C16orf86: variants seen among roughly 807,000 people sequenced by gnomAD.
The protein encoded by C16orf86 is chromosome 16 open reading frame 86.
In C16orf86, 19 loss-of-function variants were observed where a neutral mutation model predicts 21.5. That is an observed-to-expected ratio of 0.88 (90% CI 0.62 to 1.30). The LOEUF is 1.30. C16orf86 is among the 50% of genes most tolerant of loss of function. C16orf86 has a pLI of 0.00. For missense variants in C16orf86, 391 were observed against 415.8 expected (o/e 0.94, Z 0.52); for synonymous variants, 188 against 183.5 (o/e 1.02, Z -0.20).
intron 2 of C16orf86, 140 bp downstream of exon 2, chr16:67,667,665 G>T (rs1653961414): frequency 6.5e-7 from 1 of 1,540,840 alleles, no homozygotes; most frequent in Non-Finnish European, 8.7e-7. Flanking sequence ...TTCCTCAAGA[G>T]CCCCCGTGTA....
intron 1 of C16orf86, 89 bp downstream of exon 1, chr16:67,667,161 T>G: frequency 7.0e-7 from 1 of 1,434,098 alleles, no homozygotes; most frequent in Non-Finnish European, 9.6e-7. Flanking sequence ...ACTGCCAGGC[T>G]GGGCCCTCCA....
At position 67,667,908 on chromosome 16, in the gene C16orf86, T is replaced by C; in HGVS notation, c.363T>C (p.His121=). The C allele has an allele frequency of 6.2e-7, 1 of 1,610,546 alleles. No homozygotes were observed. The highest frequency in any genetic ancestry group is 8.5e-7 in the Non-Finnish European group (1 of 1,178,744). The stretch of plus-strand genomic sequence containing the variant: ...TCAGCCTCCCGGGCCTTCGTGCCCA[T>C]CTTAAGGCTGAAGCTGAGCTGCCAC... The part of the protein sequence containing the change: ...KSLSLPGLRA[H]LKAEAELPPK... The change falls in exon 3 of 4, where the codon CAT becomes CAC. Residue 121 remains histidine, a synonymous_variant. Coordinates refer to ENST00000403458, the MANE Select transcript of C16orf86 (RefSeq NM_001012984.3).
In C16orf86 at chr16:67,668,530, T is replaced by C. The variant is rs780240859; in HGVS notation, c.884T>C (p.Val295Ala). The change falls in exon 4 of 4, where the codon GTG becomes GCG. Residue 295 changes from valine to alanine, a missense_variant. By Grantham distance (64) the Val-to-Ala change is moderately conservative (BLOSUM62 0). Transcript: ENST00000403458. ...GCCGAGGTGGATAAGTCAACCCAGG[T>C]GGACATCGACAAGATGCTGAGTGTC... ...HKAEVDKSTQ[V>A]DIDKMLSVCT... is the part of the protein sequence containing the mutation. 4 of 1,613,444 alleles carry C rather than the reference T, an allele frequency of 2.5e-6. No individual in the cohort carries two copies. In the Admixed American group the frequency reaches 5.0e-5, roughly 20 times the overall value.
In C16orf86 at chr16:67,668,276, G is replaced by A. The variant is rs1236789667; in HGVS notation, c.630G>A (p.Gly210=). 2.5e-6 allele frequency: 4 copies of A among 1,610,318 alleles called. No homozygotes were observed. Among genetic ancestry groups the A allele is most frequent in the Non-Finnish European group, 2.5e-6 (3 of 1,178,572 alleles). The change falls in exon 4 of 4, where the codon GGG becomes GGA. Residue 210 remains glycine (G), a synonymous_variant. Coordinates refer to ENST00000403458, the MANE Select transcript of C16orf86 (RefSeq NM_001012984.3). ...CTGAGCTGAACCAGGCAGGGAAGGGGGACGGGGAGGCTGAGGTGGAGGCAG... is the reference window on the plus strand; with the variant it reads ...CTGAGCTGAACCAGGCAGGGAAGGGAGACGGGGAGGCTGAGGTGGAGGCAG... ...CNPELNQAGK[G]DGEAEVEAEA...
In C16orf86 at chr16:67,667,302, G is replaced by C; in HGVS notation, c.109G>C (p.Val37Leu). 2 of 1,608,894 alleles carry C rather than the reference G, an allele frequency of 1.2e-6. No homozygotes were observed. Among genetic ancestry groups the C allele is most frequent in the South Asian group, 2.2e-5 (2 of 90,566 alleles). The stretch of plus-strand genomic sequence containing the variant: ...GCCTGTGTGTCATCTCTAGTGTCCA[G>C]TGGCGGGAGACCAGTTCCTGGTGCC... ...PGSAQTSECPVAGDQFLVPAH... is the reference protein window; with the variant it reads ...PGSAQTSECPLAGDQFLVPAH... The change falls in exon 2 of 4, where the codon GTG becomes CTG. Residue 37 changes from valine to leucine, a missense_variant. By Grantham distance (32) the Val-to-Leu change is conservative. Transcript: ENST00000403458.
chr16:67,668,743 T>C lies in C16orf86; in HGVS notation c.*143T>C. On this transcript the variant is annotated 3_prime_UTR_variant, in exon 4 of 4. Transcript: ENST00000403458. Reference sequence around the variant, plus strand: ...TTTGGTCTTGCTGAAAATAAATATTTTTCTTTTTCAAAGACTTTGTGATTC... The same window carrying C: ...TTTGGTCTTGCTGAAAATAAATATTCTTCTTTTTCAAAGACTTTGTGATTC... 1 of 681,160 alleles carries C rather than the reference T, an allele frequency of 1.5e-6. No homozygotes were observed. The highest frequency in any genetic ancestry group is 2.7e-5 in the East Asian group (1 of 36,958). The allele number at this position is 681,160 out of a possible 1,614,324, so 42.2% of individuals were successfully genotyped here.
chr16:67,668,182 T>C lies in C16orf86; in HGVS notation c.554-18T>C, dbSNP rs923115762. On this transcript the variant is annotated intron_variant, in intron 3 of 3. Transcript: ENST00000403458. ...CAACCTGGCGCTCTAGCCTCTGCCC[T>C]GCCCTGGGTCTTTGCAGGAAAGGCC... 34 of 1,576,658 alleles carry C rather than the reference T, an allele frequency of 2.2e-5. No homozygotes were observed. Among genetic ancestry groups the C allele is most frequent in the Non-Finnish European group, 2.6e-5 (30 of 1,160,738 alleles).
chr16:67,666,868 C>A lies in C16orf86; in HGVS notation c.-103C>A, dbSNP rs77074609. 5.2e-3 allele frequency: 3,972 copies of A among 760,460 alleles called. 15 individuals carry two copies. Among genetic ancestry groups the A allele is most frequent in the Non-Finnish European group, 6.7e-3 (3,438 of 513,134 alleles). 47.1% of individuals were successfully genotyped at this position (760,460 alleles called of 1,614,324 possible). ...TCGCCGGTTTCTCTTCCCAGCTCTG[C>A]CCTCGCTTGCTGGCCGGTCTCCGGG... On this transcript the variant is annotated 5_prime_UTR_variant, in exon 1 of 4. Transcript: ENST00000403458.
chr16:67,667,539 CG>C lies in C16orf86; in HGVS notation c.332+20del, dbSNP rs1234236759. 2 of 1,588,198 alleles carry C rather than the reference CG, an allele frequency of 1.3e-6. No individual in the cohort carries two copies. Among genetic ancestry groups the C allele is most frequent in the East Asian group, 2.3e-5 (1 of 43,756 alleles). Reference sequence around the variant, plus strand: ...AAAGCCTGTCAAGTGAGGGGGCTCTCGGGGGGAAGGAGCTGCAGCCCCGGGG... The same window carrying C: ...AAAGCCTGTCAAGTGAGGGGGCTCTCGGGGGAAGGAGCTGCAGCCCCGGGG... On this transcript the variant is annotated intron_variant, in intron 2 of 3. Transcript: ENST00000403458.
chr16:67,667,213 G>T, intron 1 of C16orf86, 83 bp from the exon 2 acceptor site: 1 of 1,466,012 alleles, frequency 6.8e-7, no homozygotes, highest in Non-Finnish European at 9.4e-7. Flanking sequence ...TCCCGTTTCG[G>T]TGTCTAACGT....
At chr16:67,667,159 G>C in intron 1 of C16orf86, 87 bp downstream of exon 1, 1 of 1,432,260 alleles carries the variant, frequency 7.0e-7, no homozygotes, top group South Asian at 1.3e-5. Context: ...TAACTGCCAG[G>C]CTGGGCCCTC....
Position 67,668,501 on chromosome 16 carries a change from C to T in C16orf86, c.855C>T (p.His285=). 6.2e-7 allele frequency: 1 copy of T among 1,613,330 alleles called. No individual in the cohort carries two copies. ...TGCCCAGCTTGGGGGTGAGTGACCACAAGGCCGAGGTGGATAAGTCAACCC... is the reference window on the plus strand; with the variant it reads ...TGCCCAGCTTGGGGGTGAGTGACCATAAGGCCGAGGTGGATAAGTCAACCC... ...GGLPSLGVSD[H]KAEVDKSTQV... The change falls in exon 4 of 4, where the codon CAC becomes CAT. Residue 285 remains histidine, a synonymous_variant. Transcript: ENST00000403458.
chr16:67,668,250 C>CCCGAG lies in C16orf86; in HGVS notation c.605_606insCGAGC (p.Asn205SerfsTer2). 6.2e-7 allele frequency: 1 copy of CCCGAG among 1,603,232 alleles called. No individual in the cohort carries two copies. Among genetic ancestry groups the CCCGAG allele is most frequent in the African/African-American group, 1.3e-5 (1 of 74,974 alleles). On this transcript the variant is annotated frameshift_variant, in exon 4 of 4. Transcript: ENST00000403458. LOFTEE classifies it low-confidence loss of function (END_TRUNC). The stretch of plus-strand genomic sequence containing the variant: ...GTACCAGTACGTCAACTATTGCAAC[C>CCCGAG]CTGAGCTGAACCAGGCAGGGAAGGG...
chr16:67,668,473 G>A lies in C16orf86; in HGVS notation c.827G>A (p.Gly276Asp). The change falls in exon 4 of 4, where the codon GGC becomes GAC. Residue 276 changes from glycine to aspartate, a missense_variant. Transcript: ENST00000403458. ...LGEEAGEEPG[G>D]LPSLGVSDHK... ...GAGGAGGCTGGAGAGGAGCCTGGGG[G>A]CTTGCCCAGCTTGGGGGTGAGTGAC... 6.2e-7 allele frequency: 1 copy of A among 1,613,008 alleles called. No homozygotes were observed. Among genetic ancestry groups the A allele is most frequent in the Non-Finnish European group, 8.5e-7 (1 of 1,179,764 alleles).
In C16orf86 at chr16:67,668,245, G is replaced by A. The variant is rs1220614746; in HGVS notation, c.599G>A (p.Cys200Tyr). ...CCGCTGTACCAGTACGTCAACTATTGCAACCCTGAGCTGAACCAGGCAGGG... is the reference window on the plus strand; with the variant it reads ...CCGCTGTACCAGTACGTCAACTATTACAACCCTGAGCTGAACCAGGCAGGG... ...LRPLYQYVNY[C>Y]NPELNQAGKG... The change falls in exon 4 of 4, where the codon TGC (cysteine) becomes TAC (tyrosine). Residue 200 changes from cysteine to tyrosine, a missense_variant. By Grantham distance (194) the Cys-to-Tyr change is radical (BLOSUM62 -2). Transcript: ENST00000403458. 2 of 1,599,784 alleles carry A rather than the reference G, an allele frequency of 1.3e-6. No individual in the cohort carries two copies.
In C16orf86 at chr16:67,668,538, G is replaced by A. The variant is rs1198160788; in HGVS notation, c.892G>A (p.Asp298Asn). Reference protein sequence around the residue: ...EVDKSTQVDIDKMLSVCTAPL... With the variant: ...EVDKSTQVDINKMLSVCTAPL... Reference sequence around the variant, plus strand: ...GGATAAGTCAACCCAGGTGGACATCGACAAGATGCTGAGTGTCTGCACTGC... The same window carrying A: ...GGATAAGTCAACCCAGGTGGACATCAACAAGATGCTGAGTGTCTGCACTGC... The change falls in exon 4 of 4, where the codon GAC becomes AAC. Residue 298 changes from aspartate to asparagine, a missense_variant. Transcript: ENST00000403458. 1.9e-6 allele frequency: 3 copies of A among 1,613,504 alleles called. No homozygotes were observed. The highest frequency in any genetic ancestry group is 2.5e-6 in the Non-Finnish European group (3 of 1,179,890).
chr16:67,668,112 C>G lies in C16orf86; in HGVS notation c.553+14C>G, dbSNP rs748596421. On this transcript the variant is annotated intron_variant, in intron 3 of 3. Transcript: ENST00000403458. ...TGAGGCTGGAGCGTGAGTGGCAGTC[C>G]CTGGACTGTTCCTTCTCCCCCTGCC... The G allele has an allele frequency of 1.9e-6, 3 of 1,608,664 alleles. No individual in the cohort carries two copies. Among genetic ancestry groups the G allele is most frequent in the Non-Finnish European group, 2.5e-6 (3 of 1,177,208 alleles).
chr16:67,667,626 C>G, intron 2 of C16orf86, 101 bp downstream of exon 2: 1 of 1,545,402 alleles, frequency 6.5e-7, no homozygotes, highest in South Asian at 1.2e-5. Context: ...GGATTCTCGT[C>G]CCCAGCCACT....
chr16:67,668,306 A>G lies in C16orf86; in HGVS notation c.660A>G (p.Ala220=), dbSNP rs771461570. 2 of 1,612,506 alleles carry G rather than the reference A, an allele frequency of 1.2e-6. No individual in the cohort carries two copies. Among genetic ancestry groups the G allele is most frequent in the South Asian group, 2.2e-5 (2 of 91,048 alleles). The change falls in exon 4 of 4, where the codon GCA becomes GCG. Residue 220 remains alanine, a synonymous_variant. Transcript: ENST00000403458. ...GDGEAEVEAE[A]ELAPVPEEGG... ...GGGAGGCTGAGGTGGAGGCAGAGGC[A>G]GAGCTGGCCCCGGTTCCCGAGGAGG...
Sources: allele counts gnomAD v4.1 joint callset, GRCh38; gene constraint gnomAD v4.1.1; transcripts MANE v1.5; gene names NCBI Gene and HGNC (gene_info 2026-07-23, HGNC 2026-07-21).